Variants in TMEM178B observed in about 807,000 individuals in gnomAD.
TMEM178B encodes transmembrane protein 178B.
In TMEM178B, 5 loss-of-function variants were observed where a neutral mutation model predicts 31.0. That is an observed-to-expected ratio of 0.16 (90% CI 0.08 to 0.34). The LOEUF (loss-of-function observed/expected upper bound fraction) is 0.34, where lower values mean the gene tolerates loss of function less well. Ranked by LOEUF, TMEM178B falls within the 10% of genes least tolerant of loss-of-function variation. The pLI is 1.00. For missense variants in TMEM178B, 275 were observed against 400.3 expected, an observed-to-expected ratio of 0.69 and a Z score of 2.67; for synonymous variants, 164 against 164.0, an observed-to-expected ratio of 1.00 and a Z score of 0.00.
intron 1 of TMEM178B, among the ~76,000 whole-genome samples, chr7:141,099,293 GA>G (rs1795014398): frequency 6.6e-6 from 1 of 152,258 alleles, no homozygotes; most frequent in South Asian, 2.1e-4. Context: ...TACAGATATG[GA>G]GACTAAGCTT....
intron 3 of TMEM178B, among the ~76,000 whole-genome samples, chr7:141,446,736 A>C (rs1378374301): frequency 1.3e-5 from 2 of 152,146 alleles, no homozygotes; most frequent in African/African-American, 4.8e-5. Flanking sequence ...TTTCTCATCT[A>C]TAAAAGAGGT....
chr7:141,336,279 C>A (rs1366206931), intron 2 of TMEM178B, among the ~76,000 whole-genome samples: 1 of 152,274 alleles, frequency 6.6e-6, no homozygotes, highest in East Asian at 1.9e-4. Context: ...TCCTAACTCC[C>A]TGGCCTCCTG....
intron 2 of TMEM178B, among the ~76,000 whole-genome samples, chr7:141,371,208 A>G (rs565753847): frequency 1.3e-5 from 2 of 152,234 alleles, no homozygotes; most frequent in East Asian, 3.9e-4. Context: ...TGCTCGCATT[A>G]TGGGCTGGAT....
At chr7:141,188,682 G>A (rs571944518) in intron 1 of TMEM178B, among the ~76,000 whole-genome samples, 2 of 152,326 alleles carry the variant, frequency 1.3e-5, no homozygotes, top group South Asian at 4.1e-4. Flanking sequence ...GTTAGGATAA[G>A]CTGCAAACAA....
intron 2 of TMEM178B, among the ~76,000 whole-genome samples, chr7:141,379,909 A>G (rs1800284224): frequency 6.6e-6 from 1 of 152,176 alleles, no homozygotes; most frequent in Non-Finnish European, 1.5e-5. Context: ...TCTCAAGTAT[A>G]TTACAATTCT....
chr7:141,303,590 C>G (rs2116445425), intron 2 of TMEM178B, among the ~76,000 whole-genome samples: 1 of 152,302 alleles, frequency 6.6e-6, no homozygotes, highest in African/African-American at 2.4e-5. Context: ...GAGATGAGGC[C>G]TGAGGCTGCT....
At chr7:141,417,433 C>T (rs952263460) in intron 2 of TMEM178B, among the ~76,000 whole-genome samples, 1 of 152,216 alleles carries the variant, frequency 6.6e-6, no homozygotes, top group Non-Finnish European at 1.5e-5. Context: ...TTTGTCTCTT[C>T]AGGGCCTAGA....
chr7:141,102,128 G>C (rs1002370373), intron 1 of TMEM178B, among the ~76,000 whole-genome samples: 1 of 152,150 alleles, frequency 6.6e-6, no homozygotes, highest in Non-Finnish European at 1.5e-5. Flanking sequence ...TTTATTGCCT[G>C]CAATGCAGAG....
At chr7:141,203,058 A>G (rs1796904368) in intron 1 of TMEM178B, among the ~76,000 whole-genome samples, 1 of 152,214 alleles carries the variant, frequency 6.6e-6, no homozygotes, top group African/African-American at 2.4e-5. Flanking sequence ...TGGTCTTCTA[A>G]AGAATCCAAT....
the TMEM178B span, among the ~76,000 whole-genome samples, chr7:141,486,646 T>C: frequency 1.3e-5 from 2 of 152,180 alleles, no homozygotes; most frequent in African/African-American, 4.8e-5. Flanking sequence ...CTCCATGGCC[T>C]TTAAGCTACA....
At chr7:141,267,694 T>C (rs955320020) in intron 2 of TMEM178B, among the ~76,000 whole-genome samples, 2 of 152,258 alleles carry the variant, frequency 1.3e-5, no homozygotes, top group African/African-American at 4.8e-5. Flanking sequence ...TTCTCTAGGC[T>C]TTTCCAGCTT....
intron 3 of TMEM178B, among the ~76,000 whole-genome samples, chr7:141,456,002 T>TAG: frequency 6.6e-6 from 1 of 152,354 alleles, no homozygotes; most frequent in South Asian, 2.1e-4. Context: ...TCCAGACACT[T>TAG]AAACAGCTGG....
intron 1 of TMEM178B, among the ~76,000 whole-genome samples, chr7:141,138,365 A>G (rs979126055): frequency 1.3e-5 from 2 of 151,946 alleles, no homozygotes; most frequent in African/African-American, 4.8e-5. Flanking sequence ...CCGGCCTAAA[A>G]TTCAAAATTT....
At chr7:141,467,991 A>G (rs966890213) in intron 3 of TMEM178B, among the ~76,000 whole-genome samples, 1 of 150,912 alleles carries the variant, frequency 6.6e-6, no homozygotes, top group Non-Finnish European at 1.5e-5. Flanking sequence ...AAAAAAAAGC[A>G]AAACAACAAT....
At chr7:141,203,413 C>T (rs528945090) in intron 1 of TMEM178B, among the ~76,000 whole-genome samples, 7 of 152,194 alleles carry the variant, frequency 4.6e-5, no homozygotes, top group Admixed American at 2.0e-4. Flanking sequence ...ACTTGGAGAC[C>T]CCACGTGGGC....
intron 1 of TMEM178B, among the ~76,000 whole-genome samples, chr7:141,185,847 C>T (rs1211239549): frequency 1.3e-5 from 2 of 152,112 alleles, no homozygotes; most frequent in African/African-American, 2.4e-5. Flanking sequence ...ATGGCTTAGG[C>T]TGTTAAGATG....
At chr7:141,502,600 G>C in the TMEM178B span, among the ~76,000 whole-genome samples, 1 of 152,082 alleles carries the variant, frequency 6.6e-6, no homozygotes, top group South Asian at 2.1e-4. Context: ...AAGAAACCCC[G>C]TATCTACTAA....
intron 2 of TMEM178B, among the ~76,000 whole-genome samples, chr7:141,430,823 G>A (rs1460498813): frequency 6.6e-6 from 1 of 152,040 alleles, no homozygotes; most frequent in Non-Finnish European, 1.5e-5. Context: ...CTTGAGTTCT[G>A]CCCTCACCAC....
At chr7:141,234,670 A>G (rs1002721999) in intron 2 of TMEM178B, among the ~76,000 whole-genome samples, 2 of 152,182 alleles carry the variant, frequency 1.3e-5, no homozygotes, top group African/African-American at 4.8e-5. Flanking sequence ...TTCTGGGTTA[A>G]TCAAACCCTA....
Sources: allele counts gnomAD v4.1 joint callset (sites outside exome capture counted in the v4.1 genomes callset), GRCh38; gene constraint gnomAD v4.1.1; transcripts MANE v1.5; gene names NCBI Gene and HGNC (gene_info 2026-07-23, HGNC 2026-07-21).